SLC38A8: variants seen among roughly 807,000 people sequenced by gnomAD.
SLC38A8 encodes amino acid transporter SLC38A8.
Under a neutral mutation model 46.0 loss-of-function variants are expected in SLC38A8, and 65 were observed. The ratio of observed to expected loss-of-function variants is 1.41; its 90% confidence interval spans 1.16 to 1.74. The LOEUF is 1.74. Among genes scored for constraint, SLC38A8 ranks in the 40% most tolerant of loss-of-function variants. The probability of loss-of-function intolerance (pLI) is 0.00; values close to 1 mark genes in which losing one functional copy is unlikely to be tolerated. For synonymous variants in SLC38A8, 447 were observed against 243.7 expected, an observed-to-expected ratio of 1.83 and a Z score of -7.77; for missense variants, 998 against 567.9, an observed-to-expected ratio of 1.76 and a Z score of -7.70.
chr16:84,023,706 C>G (rs1221022654), intron 6 of SLC38A8, among the ~76,000 whole-genome samples: 1 of 152,162 alleles, frequency 6.6e-6, no homozygotes, highest in Admixed American at 6.5e-5. Context: ...CCAGCCTGGC[C>G]AACATGGCAA....
At chr16:84,023,493 C>A (rs998243983) in intron 6 of SLC38A8, among the ~76,000 whole-genome samples, 1 of 152,024 alleles carries the variant, frequency 6.6e-6, no homozygotes, top group Non-Finnish European at 1.5e-5. Flanking sequence ...GAGCAGAGGG[C>A]GTAAGTAAAT....
intron 6 of SLC38A8, among the ~76,000 whole-genome samples, chr16:84,024,389 G>C (rs114966063): frequency 0.021 from 3,222 of 152,228 alleles, 126 homozygotes; most frequent in African/African-American, 0.073. Context: ...ACATTGCCCA[G>C]GCTGGTCTCA....
At chr16:84,021,670 C>T (rs750926026) in intron 7 of SLC38A8, among the ~76,000 whole-genome samples, 2 of 152,252 alleles carry the variant, frequency 1.3e-5, no homozygotes, top group South Asian at 4.1e-4. Flanking sequence ...TCCAAAGCCG[C>T]TTCCACGTTC....
intron 3 of SLC38A8, among the ~76,000 whole-genome samples, chr16:84,034,665 G>C (rs2085281736): frequency 6.6e-6 from 1 of 152,242 alleles, no homozygotes; most frequent in Non-Finnish European, 1.5e-5. Context: ...AATAGCTCAA[G>C]CGTACGAAAT....
intron 7 of SLC38A8, among the ~76,000 whole-genome samples, chr16:84,017,588 A>G (rs1488151739): frequency 6.6e-6 from 1 of 152,202 alleles, no homozygotes; most frequent in Admixed American, 6.5e-5. Context: ...GCACTTTGAA[A>G]AATACAAACA....
chr16:84,019,558 G>A (rs536434292), intron 7 of SLC38A8, among the ~76,000 whole-genome samples: 1 of 152,134 alleles, frequency 6.6e-6, no homozygotes, highest in African/African-American at 2.4e-5. Flanking sequence ...GAGTTTTGGA[G>A]GGGACAATCA....
chr16:84,041,298 A>G (rs1188168663), intron 2 of SLC38A8: 2 of 152,272 alleles, frequency 1.3e-5, no homozygotes, highest in African/African-American at 4.8e-5. Flanking sequence ...TTTTAGGCTC[A>G]ATCTGCACAC....
chr16:84,013,414 T>TTGTG (rs201988638), intron 9 of SLC38A8, among the ~76,000 whole-genome samples: 2 of 130,892 alleles, frequency 1.5e-5, no homozygotes, highest in African/African-American at 7.1e-5. Context: ...CTTTCTTTTG[T>TTGTG]TGTGTGTGTG....
chr16:84,024,478 G>A (rs111277895), intron 6 of SLC38A8, among the ~76,000 whole-genome samples: 1 of 152,020 alleles, frequency 6.6e-6, no homozygotes, highest in Admixed American at 6.5e-5. Flanking sequence ...CATGCCCAAG[G>A]GGGATAAGAA....
At chr16:84,043,164 C>T (rs1043043841), upstream of SLC38A8, among the ~76,000 whole-genome samples, 2 of 152,206 alleles carry the variant, frequency 1.3e-5, no homozygotes, top group African/African-American at 4.8e-5. Context: ...CCCATGCACA[C>T]GAGTCACCTG....
At chr16:84,025,843 G>A (rs1394256122) in intron 6 of SLC38A8, among the ~76,000 whole-genome samples, 1 of 152,228 alleles carries the variant, frequency 6.6e-6, no homozygotes, top group African/African-American at 2.4e-5. Context: ...TTGACCTCAG[G>A]CACCGCGCAC....
intron 2 of SLC38A8, among the ~76,000 whole-genome samples, chr16:84,040,389 C>A (rs1385275711): frequency 6.6e-6 from 1 of 152,238 alleles, no homozygotes; most frequent in African/African-American, 2.4e-5. Flanking sequence ...AACAAAACAG[C>A]TGTTTCCCCA....
At position 84,033,312 on chromosome 16, in the gene SLC38A8, G is replaced by A. The variant is rs1367688763; in HGVS notation, c.530+16C>T. 6.2e-7 allele frequency: 1 copy of A among 1,613,814 alleles called. No individual in the cohort carries two copies. The highest frequency in any genetic ancestry group is 1.1e-5 in the South Asian group (1 of 91,070). On this transcript the variant is annotated intron_variant, in intron 4 of 10. Transcript: ENST00000299709. Reference sequence around the variant, plus strand: ...GCAAGGTGGGGGCCCCCACCAGGCAGCATCCCAGCCCTTACCTTGTGTATT... The same window carrying A: ...GCAAGGTGGGGGCCCCCACCAGGCAACATCCCAGCCCTTACCTTGTGTATT...
At chr16:84,013,435 T>TGTTTTTGTTTTTGTTG (rs1555551880) in intron 9 of SLC38A8, among the ~76,000 whole-genome samples, 2 of 130,696 alleles carry the variant, frequency 1.5e-5, no homozygotes, top group Admixed American at 7.5e-5. Context: ...TTTTTTTTTT[T>TGTTTTTGTTTTTGTTG]TTTTTTTTTT....
intron 7 of SLC38A8, among the ~76,000 whole-genome samples, chr16:84,018,918 T>G (rs914079958): frequency 2.0e-5 from 3 of 152,082 alleles, no homozygotes; most frequent in African/African-American, 7.2e-5. Context: ...ATAAGTGGAT[T>G]TATTCAGGTC....
Position 84,009,756 on chromosome 16 carries a change from C to G in SLC38A8, c.*28G>C. On this transcript the variant is annotated 3_prime_UTR_variant, in exon 11 of 11. Coordinates refer to ENST00000299709, the MANE Select transcript of SLC38A8 (RefSeq NM_001080442.3). ...CCACGTAGGGTCAGCCCCCGGAGGG[C>G]CCCTTCCTGCCCGGCACTAGCTGCC... 1.2e-5 allele frequency: 19 copies of G among 1,602,938 alleles called. No homozygotes were observed. The highest frequency in any genetic ancestry group is 1.6e-5 in the Non-Finnish European group (19 of 1,173,900).
At chr16:84,029,649 A>G (rs1468394260) in intron 5 of SLC38A8, 98 bp from the exon 6 acceptor site, 5 of 1,194,878 alleles carry the variant, frequency 4.2e-6, no homozygotes, top group Non-Finnish European at 6.1e-6. Flanking sequence ...GGGAAAATGT[A>G]ACAGAGCATG....
chr16:84,033,707 G>A (rs760934464), intron 3 of SLC38A8, among the ~76,000 whole-genome samples: 1 of 152,166 alleles, frequency 6.6e-6, no homozygotes, highest in Non-Finnish European at 1.5e-5. Context: ...GCCCAGCACT[G>A]CTCTAAGGCC....
At chr16:84,043,302 A>G (rs751501837), upstream of SLC38A8, among the ~76,000 whole-genome samples, 1 of 152,178 alleles carries the variant, frequency 6.6e-6, no homozygotes, top group Non-Finnish European at 1.5e-5. Context: ...AGACGGCCCC[A>G]TTCCGGAAAA....
Sources: gnomAD v4.1 joint callset for allele counts (sites outside exome capture counted in the v4.1 genomes callset) on GRCh38, gnomAD v4.1.1 for gene constraint, MANE v1.5 for transcripts, NCBI Gene and HGNC (gene_info 2026-07-23, HGNC 2026-07-21) for gene names.